The following ANK2 variants were observed in gnomAD, a reference collection of about 807,000 sequenced individuals.
The protein encoded by ANK2 is ankyrin 2.
In ANK2, 83 loss-of-function variants were observed where a neutral mutation model predicts 360.5. The observed-to-expected ratio is 0.23, with a 90% confidence interval of 0.19 to 0.28. The LOEUF is 0.28. ANK2 is among the 10% of genes least tolerant of loss of function. ANK2 has a pLI of 1.00. For missense variants in ANK2, 4,201 were observed against 4,795.7 expected, an observed-to-expected ratio of 0.88 and a Z score of 3.66; for synonymous variants, 1,740 against 1,759.5, an observed-to-expected ratio of 0.99 and a Z score of 0.28.
intron 19 of ANK2, 69 bp downstream of exon 19, chr4:113,287,772 G>T: frequency 1.5e-6 from 2 of 1,291,092 alleles, no homozygotes; most frequent in African/African-American, 1.5e-5. Flanking sequence ...CCCCATTCGG[G>T]TCACCCCATG....
intron 2 of ANK2, chr4:112,980,543 TGAA>T (rs1470907872): frequency 1.3e-5 from 2 of 152,260 alleles, no homozygotes; most frequent in African/African-American, 4.8e-5. Context: ...GAATGGCAAA[TGAA>T]GAAGGACATT....
intron 2 of ANK2, among the ~76,000 whole-genome samples, chr4:113,005,358 A>T (rs1161942497): frequency 1.3e-5 from 2 of 152,220 alleles, no homozygotes; most frequent in Non-Finnish European, 2.9e-5. Context: ...CAAGGAAAGA[A>T]TGGATAAAGA....
intron 2 of ANK2, among the ~76,000 whole-genome samples, chr4:112,991,619 C>CTTTTTTTTTTTTTTT (rs35505334): frequency 3.2e-5 from 4 of 125,856 alleles, no homozygotes; most frequent in African/African-American, 6.0e-5. Flanking sequence ...TTCTTTCTTT[C>CTTTTTTTTTTTTTTT]TTTTTTTTTT....
intron 9 of ANK2, among the ~76,000 whole-genome samples, 182 bp from the exon 10 acceptor site, chr4:113,249,582 T>G (rs910231245): frequency 1.3e-5 from 2 of 152,240 alleles, no homozygotes; most frequent in African/African-American, 4.8e-5. Flanking sequence ...TCTGTGAAGA[T>G]GTACTTCTGA....
intron 2 of ANK2, among the ~76,000 whole-genome samples, chr4:113,044,544 C>T (rs2063790672): frequency 6.6e-6 from 1 of 152,138 alleles, no homozygotes; most frequent in African/African-American, 2.4e-5. Flanking sequence ...AATAACAGAA[C>T]TGTATTCTCT....
chr4:112,918,030 C>T (rs1287896946), intron 2 of ANK2, among the ~76,000 whole-genome samples: 4 of 152,170 alleles, frequency 2.6e-5, no homozygotes, highest in Non-Finnish European at 5.9e-5. Context: ...CTTATTGCTT[C>T]CCTTGCTTGG....
intron 1 of ANK2, among the ~76,000 whole-genome samples, chr4:112,883,018 C>CTTTTT (rs536262490): frequency 3.3e-5 from 1 of 30,526 alleles, no homozygotes; most frequent in Non-Finnish European, 6.4e-5. Context: ...CTTGGTTAGT[C>CTTTTT]TTTTTTTTTT....
At chr4:112,848,250 C>T (rs1000955229) in intron 1 of ANK2, among the ~76,000 whole-genome samples, 3 of 152,166 alleles carry the variant, frequency 2.0e-5, no homozygotes, top group African/African-American at 4.8e-5. Context: ...GCTTCCACCT[C>T]CTGGGTTCAA....
At chr4:112,786,030 C>T in the ANK2 span, among the ~76,000 whole-genome samples, 6 of 151,602 alleles carry the variant, frequency 4.0e-5, no homozygotes, top group East Asian at 1.9e-4. Flanking sequence ...TTTGTAGAGA[C>T]GGGGTTTTGC....
chr4:112,724,070 T>C, the ANK2 span, among the ~76,000 whole-genome samples: 1 of 151,308 alleles, frequency 6.6e-6, no homozygotes, highest in African/African-American at 2.4e-5. Flanking sequence ...AAATCTTTTT[T>C]TTTTTTTTTT....
chr4:112,955,519 AT>A (rs1270402034), intron 2 of ANK2, among the ~76,000 whole-genome samples: 1 of 151,838 alleles, frequency 6.6e-6, no homozygotes, highest in Non-Finnish European at 1.5e-5. Flanking sequence ...ACCATAAAAC[AT>A]TTTATTGTTT....
chr4:113,059,778 A>G (rs149725227), intron 1 of ANK2, among the ~76,000 whole-genome samples: 1 of 152,144 alleles, frequency 6.6e-6, no homozygotes, highest in South Asian at 2.1e-4. Flanking sequence ...ACACATTACT[A>G]TACTCCAAGA....
the ANK2 span, among the ~76,000 whole-genome samples, chr4:112,806,684 G>A: frequency 0.045 from 6,893 of 152,014 alleles, 402 homozygotes; most frequent in African/African-American, 0.13. Context: ...AAAAAAAATA[G>A]CCAGGTTGGT....
chr4:113,206,271 G>A (rs762421036), intron 4 of ANK2, among the ~76,000 whole-genome samples: 32 of 152,054 alleles, frequency 2.1e-4, no homozygotes, highest in Non-Finnish European at 3.5e-4. Context: ...AGGCCCCAGT[G>A]TGTGTTGTTC....
the ANK2 span, among the ~76,000 whole-genome samples, chr4:112,762,284 T>G: frequency 6.6e-6 from 1 of 152,208 alleles, no homozygotes; most frequent in Non-Finnish European, 1.5e-5. Flanking sequence ...CAAGGAAACA[T>G]GTTAGATAAA....
At chr4:112,990,403 T>C (rs1304358395) in intron 2 of ANK2, among the ~76,000 whole-genome samples, 1 of 152,204 alleles carries the variant, frequency 6.6e-6, no homozygotes, top group Non-Finnish European at 1.5e-5. Flanking sequence ...GATATTATTA[T>C]AGATGACACC....
intron 1 of ANK2, among the ~76,000 whole-genome samples, chr4:112,875,986 C>T (rs1337464622): frequency 6.6e-6 from 1 of 151,248 alleles, no homozygotes; most frequent in Non-Finnish European, 1.5e-5. Flanking sequence ...AACTCCTGGC[C>T]TCAAGTGATT....
chr4:112,720,529 G>A, the ANK2 span, among the ~76,000 whole-genome samples: 1 of 152,066 alleles, frequency 6.6e-6, no homozygotes, highest in Admixed American at 6.6e-5. Context: ...AAACTCTCTT[G>A]TATACAACAC....
At chr4:113,204,778 C>T (rs2098920082) in intron 4 of ANK2, among the ~76,000 whole-genome samples, 1 of 152,134 alleles carries the variant, frequency 6.6e-6, no homozygotes, top group African/African-American at 2.4e-5. Flanking sequence ...CAAAACCCTG[C>T]TTGCCTAGGC....
Sources: gnomAD v4.1 joint callset for allele counts (sites outside exome capture counted in the v4.1 genomes callset) on GRCh38, gnomAD v4.1.1 for gene constraint, MANE v1.5 for transcripts, NCBI Gene and HGNC (gene_info 2026-07-23, HGNC 2026-07-21) for gene names.